Variants in ANKDD1A observed in about 807,000 individuals in gnomAD.
ANKDD1A encodes ankyrin repeat and death domain containing 1A.
A neutral mutation model predicts 63.5 loss-of-function variants in ANKDD1A; 59 were observed. The ratio of observed to expected loss-of-function variants is 0.93; its 90% CI spans 0.75 to 1.15. The LOEUF is 1.15. Ranked by LOEUF, ANKDD1A falls within the 50% of genes most tolerant of loss-of-function variation. ANKDD1A has a pLI of 0.00. For missense variants in ANKDD1A, 632 were observed against 656.4 expected, an observed-to-expected ratio of 0.96 and a Z score of 0.41; for synonymous variants, 266 against 263.9, an observed-to-expected ratio of 1.01 and a Z score of -0.08.
intron 12 of ANKDD1A, among the ~76,000 whole-genome samples, chr15:64,945,549 G>A (rs2085215248): frequency 7.2e-6 from 1 of 139,808 alleles, no homozygotes; most frequent in Non-Finnish European, 1.5e-5. Flanking sequence ...CACATGTAAG[G>A]TAGGCTAAGC....
chr15:64,953,551 CCTT>C (rs201400043), intron 14 of ANKDD1A, among the ~76,000 whole-genome samples: 4 of 130,360 alleles, frequency 3.1e-5, no homozygotes, highest in African/African-American at 8.4e-5. Context: ...TCTTCCTTCT[CCTT>C]CTTTCTTCCT....
intron 14 of ANKDD1A, among the ~76,000 whole-genome samples, chr15:64,953,652 C>CTT (rs1555397879): frequency 3.5e-4 from 1 of 2,822 alleles, no homozygotes; most frequent in Non-Finnish European, 1.4e-3. Flanking sequence ...TCTTCCTTCT[C>CTT]CTTCTTTTCT....
chr15:64,930,062 A>C (rs2085076745), intron 6 of ANKDD1A, among the ~76,000 whole-genome samples: 1 of 152,110 alleles, frequency 6.6e-6, no homozygotes, highest in African/African-American at 2.4e-5. Context: ...ACATGGACAC[A>C]GGGAGGGGGA....
Position 64,911,908 on chromosome 15 carries a change from C to CGCAGGGGCTGCGGAGCG in ANKDD1A, c.-17_-1dup. The CGCAGGGGCTGCGGAGCG allele has an allele frequency of 8.0e-7, 1 of 1,249,350 alleles. No homozygotes were observed. Among genetic ancestry groups the CGCAGGGGCTGCGGAGCG allele is most frequent in the Non-Finnish European group, 1.0e-6 (1 of 993,586 alleles). 77.4% of individuals were successfully genotyped at this position (1,249,350 alleles called of 1,614,324 possible). A position where few individuals can be genotyped will look rare whatever the true frequency, so the allele number is the denominator to read the frequency against. On this transcript the variant is annotated 5_prime_UTR_variant, in exon 1 of 15. Coordinates refer to ENST00000319580, the MANE Select transcript of ANKDD1A (RefSeq NM_182703.6). ...CGCCTCGCGCCCGGGCACCAGCGCGCGCAGGGGCTGCGGAGCGGCAGGATG... is the reference window on the plus strand; with the variant it reads ...CGCCTCGCGCCCGGGCACCAGCGCGCGCAGGGGCTGCGGAGCGGCAGGGGCTGCGGAGCGGCAGGATG...
At chr15:64,952,695 C>CTTCTTAGTTCTTCTCCT (rs1425275460) in intron 14 of ANKDD1A, among the ~76,000 whole-genome samples, 1 of 124,570 alleles carries the variant, frequency 8.0e-6, no homozygotes, top group African/African-American at 3.0e-5. Context: ...TCTCCTTTTT[C>CTTCTTAGTTCTTCTCCT]TTCTTAGTTC....
At chr15:64,952,844 C>A (rs1247057274) in intron 14 of ANKDD1A, among the ~76,000 whole-genome samples, 1 of 37,696 alleles carries the variant, frequency 2.7e-5, no homozygotes, top group African/African-American at 5.9e-5. Flanking sequence ...CTTTCTTCTC[C>A]TTGTCTCTTC....
At chr15:64,941,946 C>T (rs1472190494) in intron 9 of ANKDD1A, among the ~76,000 whole-genome samples, 2 of 152,070 alleles carry the variant, frequency 1.3e-5, no homozygotes, top group Non-Finnish European at 1.5e-5. Flanking sequence ...GGGGTGGGGA[C>T]GTGGTGGGAG....
At chr15:64,945,240 T>C (rs1012215604) in intron 12 of ANKDD1A, among the ~76,000 whole-genome samples, 8 of 152,152 alleles carry the variant, frequency 5.3e-5, no homozygotes, top group Non-Finnish European at 1.2e-4. Flanking sequence ...AGGGAGTTTT[T>C]TGGTGTCCTT....
chr15:64,916,618 C>T (rs554527119), intron 2 of ANKDD1A, among the ~76,000 whole-genome samples: 1 of 152,220 alleles, frequency 6.6e-6, no homozygotes, highest in African/African-American at 2.4e-5. Context: ...TGGGCCACCT[C>T]ACCCTGCCAG....
intron 8 of ANKDD1A, chr15:64,932,289 G>T (rs2085098055): frequency 6.6e-6 from 1 of 152,182 alleles, no homozygotes; most frequent in African/African-American, 2.4e-5. Context: ...TTTTGCAGAT[G>T]AGAAAACTGG....
rs115894479 is a variant in ANKDD1A at position 64,958,483 on chromosome 15, G to C, written c.*1295G>C. 7.9e-5 allele frequency: 12 copies of C among 151,838 alleles called. No individual in the cohort carries two copies. Among genetic ancestry groups the C allele is most frequent in the African/African-American group, 2.4e-4 (10 of 41,378 alleles). 9.4% of individuals were successfully genotyped at this position (151,838 alleles called of 1,614,324 possible). On this transcript the variant is annotated 3_prime_UTR_variant, in exon 15 of 15. Coordinates refer to ENST00000319580, the MANE Select transcript of ANKDD1A (RefSeq NM_182703.6). ...CTAAACCTAAAACTGTTCTAAAATA[G>C]AAAGTCTGTGAAAAAAAACAAAAGT...
intron 14 of ANKDD1A, among the ~76,000 whole-genome samples, chr15:64,952,087 TC>T (rs1452200653): frequency 7.5e-5 from 8 of 105,966 alleles, no homozygotes; most frequent in Admixed American, 2.3e-4. Context: ...TTCCTTCTTT[TC>T]TTCCTCTTCT....
At chr15:64,939,829 C>T (rs184967943) in intron 9 of ANKDD1A, among the ~76,000 whole-genome samples, 2 of 152,220 alleles carry the variant, frequency 1.3e-5, no homozygotes, top group Non-Finnish European at 2.9e-5. Context: ...AAACCTCACA[C>T]CTTATACAAA....
intron 12 of ANKDD1A, 79 bp downstream of exon 12, chr15:64,944,826 T>C: frequency 7.0e-7 from 1 of 1,430,842 alleles, no homozygotes; most frequent in Non-Finnish European, 9.6e-7. Context: ...CTTTGAACCC[T>C]AGGCCTGACC....
At chr15:64,951,016 C>G (rs1158866116) in intron 14 of ANKDD1A, 3 of 1,270,916 alleles carry the variant, frequency 2.4e-6, no homozygotes, top group Non-Finnish European at 3.1e-6. Context: ...AGCCATGTAA[C>G]CGGAGGGGCC....
Position 64,917,507 on chromosome 15 carries a change from G to A in ANKDD1A, c.260G>A (p.Arg87His), listed in dbSNP as rs767731879. 5.8e-5 allele frequency: 91 copies of A among 1,562,288 alleles called. No homozygotes were observed. Among genetic ancestry groups the A allele is most frequent in the Non-Finnish European group, 6.7e-5 (77 of 1,155,130 alleles). ...EDAVGALTEA[R>H]LCFGMNALLL... The stretch of plus-strand genomic sequence containing the variant: ...GCGGTAGGGGCCCTCACAGAGGCAC[G>A]TCTGTGTGTACGTGTCTGTCTGTCT... The change falls in exon 3 of 15, where the codon CGT (arginine) becomes CAT (histidine). Residue 87 changes from arginine to histidine, a missense_variant. Physicochemically the swap from Arg to His is conservative, Grantham distance 29. Transcript: ENST00000319580.
At position 64,926,952 on chromosome 15, in the gene ANKDD1A, C is replaced by G. The variant is rs201766403; in HGVS notation, c.523C>G (p.Leu175Val). The change falls in exon 6 of 15, where the codon CTG becomes GTG. Residue 175 changes from leucine to valine, a missense_variant. Coordinates refer to ENST00000319580, the MANE Select transcript of ANKDD1A (RefSeq NM_182703.6). The stretch of plus-strand genomic sequence containing the variant: ...AGCTGAGCACGGGCAGCTGGATGCT[C>G]TGGACTTCCTCGTGGGCTCTGGCTG... ...RAAEHGQLDA[L>V]DFLVGSGCDH... The G allele has an allele frequency of 6.2e-6, 10 of 1,614,210 alleles. No individual in the cohort carries two copies. In the East Asian group the frequency reaches 1.8e-4, roughly 29 times the overall value.
chr15:64,915,940 G>A (rs1044807698), intron 2 of ANKDD1A, 40 bp downstream of exon 2: 1 of 1,584,946 alleles, frequency 6.3e-7, no homozygotes. Flanking sequence ...ACCTGGGATA[G>A]TGTCACGATA....
At chr15:64,954,204 ATT>A (rs2085376988) in intron 14 of ANKDD1A, among the ~76,000 whole-genome samples, 2 of 109,572 alleles carry the variant, frequency 1.8e-5, no homozygotes, top group Non-Finnish European at 3.9e-5. Context: ...CTTGTTCCTT[ATT>A]CTTTTCTTCT....
Sources: allele counts gnomAD v4.1 joint callset (sites outside exome capture counted in the v4.1 genomes callset), GRCh38; gene constraint gnomAD v4.1.1; transcripts MANE v1.5; gene names NCBI Gene and HGNC (gene_info 2026-07-23, HGNC 2026-07-21).